PLPPR1: variants seen among roughly 807,000 people sequenced by gnomAD.
PLPPR1 encodes phospholipid phosphatase related 1.
In PLPPR1, 10 loss-of-function variants were observed where a neutral mutation model predicts 33.1. The observed-to-expected ratio is 0.30, with a 90% CI of 0.19 to 0.51. The LOEUF (loss-of-function observed/expected upper bound fraction) is 0.51, where lower values mean the gene tolerates loss of function less well. PLPPR1 is among the 20% of genes least tolerant of loss of function. The pLI, the probability that PLPPR1 is intolerant of heterozygous loss-of-function variation, is 0.97. For missense variants in PLPPR1, 304 were observed against 408.1 expected, an observed-to-expected ratio of 0.74 and a Z score of 2.20; for synonymous variants, 151 against 151.0, an observed-to-expected ratio of 1.00 and a Z score of 0.00.
intron 1 of PLPPR1, among the ~76,000 whole-genome samples, chr9:101,169,968 C>T (rs1825916911): frequency 6.6e-6 from 1 of 151,626 alleles, no homozygotes; most frequent in Non-Finnish European, 1.5e-5. Flanking sequence ...TGAGTTCTTT[C>T]AAGACCTGCT....
intron 1 of PLPPR1, among the ~76,000 whole-genome samples, chr9:101,137,052 A>AAT (rs1831386112): frequency 1.3e-5 from 2 of 152,214 alleles, no homozygotes; most frequent in Non-Finnish European, 2.9e-5. Flanking sequence ...ATTTACCAGG[A>AAT]TGTGGTTATT....
At chr9:101,251,052 T>C (rs1278087137) in intron 2 of PLPPR1, among the ~76,000 whole-genome samples, 1 of 152,082 alleles carries the variant, frequency 6.6e-6, no homozygotes, top group Non-Finnish European at 1.5e-5. Flanking sequence ...CCAAGAACTT[T>C]CTTCAATTCA....
At chr9:101,070,988 G>A (rs1216134858) in intron 1 of PLPPR1, among the ~76,000 whole-genome samples, 3 of 152,010 alleles carry the variant, frequency 2.0e-5, no homozygotes, top group African/African-American at 7.2e-5. Flanking sequence ...TGAAATATCA[G>A]TCAAAAGCCT....
chr9:101,291,533 G>A (rs1828508484), intron 4 of PLPPR1, among the ~76,000 whole-genome samples: 1 of 152,142 alleles, frequency 6.6e-6, no homozygotes, highest in Non-Finnish European at 1.5e-5. Context: ...TAACTGGGAG[G>A]CACCCGCCAG....
chr9:101,160,655 A>T (rs1034362055), intron 1 of PLPPR1, among the ~76,000 whole-genome samples: 1 of 152,146 alleles, frequency 6.6e-6, no homozygotes, highest in Non-Finnish European at 1.5e-5. Flanking sequence ...CTCAGGTTTG[A>T]TGGAGAGCAT....
intron 3 of PLPPR1, among the ~76,000 whole-genome samples, chr9:101,280,708 TA>T (rs1249401959): frequency 1.3e-5 from 2 of 152,118 alleles, no homozygotes; most frequent in African/African-American, 4.8e-5. Flanking sequence ...AAGTATTTGA[TA>T]AAATTCAGCA....
At position 101,309,347 on chromosome 9, in the gene PLPPR1, G is replaced by A; in HGVS notation, c.522G>A (p.Gln174=). ...YTSADCQAHH[Q]FINNGNICTG... ...GTGCAGACTGCCAAGCGCACCACCAGTTTATAAACAATGGGAACATTTGTA... is the reference window on the plus strand; with the variant it reads ...GTGCAGACTGCCAAGCGCACCACCAATTTATAAACAATGGGAACATTTGTA... Residue 174 remains glutamine, a synonymous_variant, in exon 5 of 8, where the codon CAG becomes CAA. Transcript: ENST00000374874. The A allele has an allele frequency of 6.2e-7, 1 of 1,614,144 alleles. No individual in the cohort carries two copies. The highest frequency in any genetic ancestry group is 8.5e-7 in the Non-Finnish European group (1 of 1,180,018).
rs1829208223 is a variant in PLPPR1 at position 101,324,171 on chromosome 9, G to T, written c.*114G>T. On this transcript the variant is annotated 3_prime_UTR_variant, in exon 8 of 8. Coordinates refer to ENST00000374874, the MANE Select transcript of PLPPR1 (RefSeq NM_207299.2). ...GACAAATATTACGTTTATCTAGTTA[G>T]AAGCTAATGTTTTGTACATTTTTTG... The T allele has an allele frequency of 1.2e-6, 1 of 836,468 alleles. No homozygotes were observed. The highest frequency in any genetic ancestry group is 1.7e-5 in the African/African-American group (1 of 58,826). The allele number at this position is 836,468 out of a possible 1,614,324, so 51.8% of individuals were successfully genotyped here.
At chr9:101,311,446 C>T (rs539849081) in intron 5 of PLPPR1, among the ~76,000 whole-genome samples, 15 of 152,222 alleles carry the variant, frequency 9.9e-5, no homozygotes, top group African/African-American at 3.6e-4. Flanking sequence ...TGAAGAATAC[C>T]AACTAACCAT....
intron 2 of PLPPR1, among the ~76,000 whole-genome samples, chr9:101,260,381 G>T (rs1827877369): frequency 6.6e-6 from 1 of 152,148 alleles, no homozygotes; most frequent in South Asian, 2.1e-4. Flanking sequence ...AGCAAAAGCA[G>T]GTTGGACAAG....
chr9:101,191,719 T>C (rs898931031), intron 2 of PLPPR1, among the ~76,000 whole-genome samples: 2 of 152,218 alleles, frequency 1.3e-5, no homozygotes, highest in African/African-American at 4.8e-5. Flanking sequence ...CAGACATCAG[T>C]GGATTCCTCT....
intron 2 of PLPPR1, among the ~76,000 whole-genome samples, chr9:101,190,250 A>G (rs1489894228): frequency 6.6e-6 from 1 of 152,206 alleles, no homozygotes; most frequent in Non-Finnish European, 1.5e-5. Flanking sequence ...AGGTATTTGC[A>G]GTGGAATGTT....
At position 101,261,805 on chromosome 9, in the gene PLPPR1, G is replaced by A. The variant is rs773768275; in HGVS notation, c.64-8075G>A. Among the ~76,000 whole-genome samples, 101 of 151,918 alleles carry A rather than the reference G, an allele frequency of 6.6e-4. 1 individual carries two copies. Among genetic ancestry groups the A allele is most frequent in the Non-Finnish European group, 2.6e-4 (18 of 67,992 alleles). On this transcript the variant is annotated intron_variant, in intron 2 of 7. Coordinates refer to ENST00000374874, the MANE Select transcript of PLPPR1 (RefSeq NM_207299.2). ...AGTGAGACCTAAATGATAACACATCGACACATAGAGGGGAACAATGCACAC... is the reference window on the plus strand; with the variant it reads ...AGTGAGACCTAAATGATAACACATCAACACATAGAGGGGAACAATGCACAC...
chr9:101,311,071 A>G (rs1350540891), intron 5 of PLPPR1, among the ~76,000 whole-genome samples: 2 of 151,618 alleles, frequency 1.3e-5, no homozygotes, highest in African/African-American at 4.9e-5. Context: ...AACCTAAACA[A>G]TGTATTCTTG....
intron 2 of PLPPR1, among the ~76,000 whole-genome samples, chr9:101,232,827 G>A (rs966241898): frequency 1.3e-5 from 2 of 151,890 alleles, no homozygotes; most frequent in Non-Finnish European, 2.9e-5. Flanking sequence ...TGGGTATAAA[G>A]GCACTCAACA....
chr9:101,162,007 C>T (rs893054300), intron 1 of PLPPR1, among the ~76,000 whole-genome samples: 5 of 151,514 alleles, frequency 3.3e-5, no homozygotes, highest in Admixed American at 6.6e-5. Context: ...TTTAGAGTGC[C>T]GTGGCCATAG....
At chr9:101,136,129 C>G (rs1450978267) in intron 1 of PLPPR1, among the ~76,000 whole-genome samples, 1 of 152,200 alleles carries the variant, frequency 6.6e-6, no homozygotes, top group East Asian at 1.9e-4. Context: ...ACCTCACCTC[C>G]TCCTCCTCTT....
At chr9:101,266,427 A>G (rs973537676) in intron 2 of PLPPR1, among the ~76,000 whole-genome samples, 1 of 142,688 alleles carries the variant, frequency 7.0e-6, no homozygotes, top group Non-Finnish European at 1.5e-5. Context: ...AAAGAAAGAA[A>G]TAAAGAAAAA....
At chr9:101,165,346 G>A (rs1825839898) in intron 1 of PLPPR1, among the ~76,000 whole-genome samples, 1 of 152,128 alleles carries the variant, frequency 6.6e-6, no homozygotes, top group Admixed American at 6.6e-5. Flanking sequence ...GTAGATCAAA[G>A]CATGACTGTT....
Sources: gnomAD v4.1 joint callset for allele counts (sites outside exome capture counted in the v4.1 genomes callset) on GRCh38, gnomAD v4.1.1 for gene constraint, MANE v1.5 for transcripts, NCBI Gene and HGNC (gene_info 2026-07-23, HGNC 2026-07-21) for gene names.